Variants in RAB30 observed in about 807,000 individuals in gnomAD.
RAB30 encodes ras-related protein Rab-30.
A neutral mutation model predicts 25.1 loss-of-function variants in RAB30; 9 were observed. The ratio of observed to expected loss-of-function variants is 0.36; its 90% CI spans 0.22 to 0.63. RAB30 has a LOEUF of 0.63. Among genes scored for constraint, RAB30 ranks in the 20% least tolerant of loss-of-function variants. The probability of loss-of-function intolerance (pLI) is 0.69; values close to 1 mark genes in which losing one functional copy is unlikely to be tolerated. For missense variants in RAB30, 140 were observed against 243.5 expected (o/e 0.58, Z 2.83); for synonymous variants, 77 against 86.4 (o/e 0.89, Z 0.60).
At chr11:83,022,769 C>G (rs986099631) in intron 1 of RAB30, among the ~76,000 whole-genome samples, 1 of 151,982 alleles carries the variant, frequency 6.6e-6, no homozygotes, top group Non-Finnish European at 1.5e-5. Context: ...AGTAAAAATA[C>G]CCCCTGGTCA....
At position 82,981,949 on chromosome 11, in the gene RAB30, G is replaced by T; in HGVS notation, c.*216C>A. ...GAGTGCCTAGTGCAATTTTCTCCTT[G>T]CTCCAACTCCAGACTGGAAAAGGGT... On this transcript the variant is annotated 3_prime_UTR_variant, in exon 5 of 5. Coordinates refer to ENST00000527633, the MANE Select transcript of RAB30 (RefSeq NM_001286060.2). 1 of 599,256 alleles carries T rather than the reference G, an allele frequency of 1.7e-6. No individual in the cohort carries two copies. The highest frequency in any genetic ancestry group is 1.9e-5 in the African/African-American group (1 of 53,960). 37.1% of individuals were successfully genotyped at this position (599,256 alleles called of 1,614,324 possible). A position where few individuals can be genotyped will look rare whatever the true frequency, so the allele number is the denominator to read the frequency against.
At chr11:83,070,669 A>G (rs1858818252) in intron 1 of RAB30, among the ~76,000 whole-genome samples, 1 of 152,114 alleles carries the variant, frequency 6.6e-6, no homozygotes, top group Admixed American at 6.6e-5. Flanking sequence ...TATAACTCTT[A>G]CAAGAGCATC....
intron 1 of RAB30, among the ~76,000 whole-genome samples, chr11:83,049,499 G>A (rs1347755936): frequency 4.4e-5 from 6 of 137,310 alleles, no homozygotes; most frequent in Non-Finnish European, 9.8e-5. Context: ...TTTTTTTTTT[G>A]AGACAGGGTC....
At chr11:83,049,819 C>T (rs1245995119) in intron 1 of RAB30, among the ~76,000 whole-genome samples, 1 of 152,134 alleles carries the variant, frequency 6.6e-6, no homozygotes, top group Non-Finnish European at 1.5e-5. Context: ...AATAACTACA[C>T]ATCAATTATC....
In RAB30 at chr11:82,994,000, A is replaced by G. The variant is rs746082999; in HGVS notation, c.177+39T>C. 9 of 1,489,210 alleles carry G rather than the reference A, an allele frequency of 6.0e-6. No individual in the cohort carries two copies. The Admixed American group carries it at 1.5e-4, about 25-fold the overall frequency. 92.2% of individuals were successfully genotyped at this position (1,489,210 alleles called of 1,614,324 possible). ...AGCAGTACTTCCCCTAACCTCTCAC[A>G]TAGCACCTGACAACCTTAGTGAATA... On this transcript the variant is annotated intron_variant, in intron 3 of 4. Coordinates refer to ENST00000527633, the MANE Select transcript of RAB30 (RefSeq NM_001286060.2).
In RAB30 at chr11:82,982,055, A is replaced by G; in HGVS notation, c.*110T>C. 1 of 1,451,910 alleles carries G rather than the reference A, an allele frequency of 6.9e-7. No homozygotes were observed. Among genetic ancestry groups the G allele is most frequent in the South Asian group, 1.3e-5 (1 of 77,338 alleles). The allele number at this position is 1,451,910 out of a possible 1,614,324, so 89.9% of individuals were successfully genotyped here. ...ATGCTTTGTAAGCTCAGGAGCCCAC[A>G]GGAGTCAGAAGGTCAGAGAGCGGGA... On this transcript the variant is annotated 3_prime_UTR_variant, in exon 5 of 5. Transcript: ENST00000527633.
At chr11:83,065,130 C>T (rs182029067) in intron 1 of RAB30, among the ~76,000 whole-genome samples, 1 of 152,000 alleles carries the variant, frequency 6.6e-6, no homozygotes, top group East Asian at 1.9e-4. Flanking sequence ...GAGCTGGGCA[C>T]AGTGGCTCAC....
At chr11:83,051,553 T>C (rs1357282845) in intron 1 of RAB30, among the ~76,000 whole-genome samples, 2 of 152,162 alleles carry the variant, frequency 1.3e-5, no homozygotes, top group Admixed American at 1.3e-4. Flanking sequence ...CAACGATCCC[T>C]AAGTGTCTTG....
At chr11:83,068,984 C>T (rs1858769403) in intron 1 of RAB30, among the ~76,000 whole-genome samples, 1 of 152,164 alleles carries the variant, frequency 6.6e-6, no homozygotes. Context: ...CTGATGTATC[C>T]ACAGTGCTTA....
chr11:82,991,394 C>G (rs1438834768), intron 3 of RAB30, among the ~76,000 whole-genome samples: 1 of 150,496 alleles, frequency 6.6e-6, no homozygotes, highest in Non-Finnish European at 1.5e-5. Context: ...GTAGTCCCAG[C>G]TACTTGGGAG....
intron 1 of RAB30, chr11:83,040,909 A>G (rs986091139): frequency 6.5e-6 from 1 of 153,798 alleles, no homozygotes; most frequent in African/African-American, 2.4e-5. Context: ...ATTCATCTGC[A>G]CTGGCTGGGC....
At chr11:83,001,184 G>A (rs945496905) in intron 1 of RAB30, among the ~76,000 whole-genome samples, 1 of 151,844 alleles carries the variant, frequency 6.6e-6, no homozygotes, top group Non-Finnish European at 1.5e-5. Context: ...TGTTGAATGT[G>A]TTTTTGTTTG....
intron 3 of RAB30, among the ~76,000 whole-genome samples, chr11:82,992,733 A>T: frequency 8.1e-6 from 1 of 123,206 alleles, no homozygotes; most frequent in Non-Finnish European, 1.7e-5. Flanking sequence ...TCTCTCTGTC[A>T]CCAACACACA....
At chr11:83,044,104 A>C (rs1274010702) in intron 1 of RAB30, among the ~76,000 whole-genome samples, 1 of 152,208 alleles carries the variant, frequency 6.6e-6, no homozygotes, top group Non-Finnish European at 1.5e-5. Context: ...CTTTGGCAAG[A>C]AACGTGGGCA....
At chr11:83,068,009 C>CAACTA (rs1467039588) in intron 1 of RAB30, among the ~76,000 whole-genome samples, 4 of 151,526 alleles carry the variant, frequency 2.6e-5, no homozygotes, top group Non-Finnish European at 4.4e-5. Context: ...CCTGTAATCT[C>CAACTA]AACTACTTGG....
chr11:83,006,812 T>C (rs1857194913), intron 1 of RAB30, among the ~76,000 whole-genome samples: 1 of 152,184 alleles, frequency 6.6e-6, no homozygotes. Flanking sequence ...TTCCAGTTCA[T>C]TGTGTGTATC....
intron 1 of RAB30, among the ~76,000 whole-genome samples, chr11:83,042,029 CAA>C (rs61607477): frequency 6.0e-4 from 57 of 95,092 alleles, no homozygotes; most frequent in Non-Finnish European, 5.6e-4. Flanking sequence ...GACTCTGTCT[CAA>C]AAAAAAAAAA....
At chr11:83,003,554 C>T (rs1175833385) in intron 1 of RAB30, among the ~76,000 whole-genome samples, 1 of 152,172 alleles carries the variant, frequency 6.6e-6, no homozygotes, top group Admixed American at 6.5e-5. Context: ...TCCCCAGTAG[C>T]TGGGATTACA....
intron 1 of RAB30, chr11:83,039,117 A>G (rs575133885): frequency 6.6e-6 from 1 of 152,234 alleles, no homozygotes; most frequent in Non-Finnish European, 1.5e-5. Flanking sequence ...AATTTGAAAG[A>G]AAGTTACCTA....
Sources: allele counts gnomAD v4.1 joint callset (sites outside exome capture counted in the v4.1 genomes callset), GRCh38; gene constraint gnomAD v4.1.1; transcripts MANE v1.5; gene names NCBI Gene and HGNC (gene_info 2026-07-23, HGNC 2026-07-21).